Variants in POLE observed in about 807,000 individuals in gnomAD.
POLE encodes DNA polymerase epsilon catalytic subunit A.
A neutral mutation model predicts 279.2 loss-of-function variants in POLE; 188 were observed. The observed-to-expected ratio is 0.67, with a 90% CI of 0.60 to 0.76. POLE has a LOEUF of 0.76. POLE is among the 30% of genes least tolerant of loss of function. The pLI, the probability that POLE is intolerant of heterozygous loss-of-function variation, is 0.00. For missense variants in POLE, 2,703 were observed against 3,016.7 expected, an observed-to-expected ratio of 0.90 and a Z score of 2.44; for synonymous variants, 1,214 against 1,172.5, an observed-to-expected ratio of 1.04 and a Z score of -0.72.
In POLE at chr12:132,638,804, C is replaced by T. The variant is rs180845707; in HGVS notation, c.5552+321G>A. On this transcript the variant is annotated intron_variant, in intron 40 of 48. Coordinates refer to ENST00000320574, the MANE Select transcript of POLE (RefSeq NM_006231.4). ...AGAGGCTAAATGTTCTTTCATATGGCATGTCCTCACACAGATCTCCTGACA... is the reference window on the plus strand; with the variant it reads ...AGAGGCTAAATGTTCTTTCATATGGTATGTCCTCACACAGATCTCCTGACA... The T allele has an allele frequency of 9.8e-6, 3 of 305,660 alleles. No individual in the cohort carries two copies. The East Asian group carries it at 1.9e-4, about 20-fold the overall frequency. 18.9% of individuals were successfully genotyped at this position (305,660 alleles called of 1,614,324 possible). A position where few individuals can be genotyped will look rare whatever the true frequency, so the allele number is the denominator to read the frequency against.
chr12:132,678,866 T>C (rs1014586124), intron 6 of POLE, among the ~76,000 whole-genome samples: 4 of 152,210 alleles, frequency 2.6e-5, no homozygotes, highest in African/African-American at 7.2e-5. Context: ...GAGGACTCAG[T>C]CTCTGATCAC....
chr12:132,658,979 T>G (rs1287596386), intron 26 of POLE, among the ~76,000 whole-genome samples: 2 of 151,822 alleles, frequency 1.3e-5, no homozygotes, highest in Non-Finnish European at 2.9e-5. Flanking sequence ...TGATTTTTGC[T>G]TTTTTCTCCA....
Position 132,638,038 on chromosome 12 carries a change from G to A in POLE, c.5654C>T (p.Ala1885Val), listed in dbSNP as rs2138500404. 1.9e-6 allele frequency: 3 copies of A among 1,614,056 alleles called. No individual in the cohort carries two copies. Among genetic ancestry groups the A allele is most frequent in the Non-Finnish European group, 2.5e-6 (3 of 1,179,966 alleles). The change falls in exon 41 of 49, where the codon GCT becomes GTT. Residue 1885 changes from alanine (A) to valine (V), a missense_variant. Ala to Val is a moderately conservative substitution (Grantham distance 64). This residue lies in a region of POLE where 1,551 missense variants were observed against 1,686.1 expected (regional missense o/e 0.92). Coordinates refer to ENST00000320574, the MANE Select transcript of POLE (RefSeq NM_006231.4). ...CCTGCTGGTGATGTACTCCACGTAAGCGATGGCATCTTCCACACGGCGCTT... is the reference window on the plus strand; with the variant it reads ...CCTGCTGGTGATGTACTCCACGTAAACGATGGCATCTTCCACACGGCGCTT... The part of the protein sequence containing the change: ...TKKRRVEDAI[A>V]YVEYITSSIH...
intron 44 of POLE, 53 bp downstream of exon 44, chr12:132,632,611 G>A (rs1438369570): frequency 3.1e-6 from 5 of 1,612,324 alleles, no homozygotes; most frequent in Non-Finnish European, 8.5e-7. Context: ...GCACACAGAG[G>A]AGTTAGGTCA....
At chr12:132,666,720 G>C (rs958243280) in intron 20 of POLE, among the ~76,000 whole-genome samples, 8 of 152,160 alleles carry the variant, frequency 5.3e-5, no homozygotes, top group Non-Finnish European at 1.2e-4. Flanking sequence ...CCAGGGAGGA[G>C]GTGGGGAGCT....
At chr12:132,670,350 T>C (rs998936693) in intron 16 of POLE, among the ~76,000 whole-genome samples, 3 of 150,298 alleles carry the variant, frequency 2.0e-5, no homozygotes, top group Non-Finnish European at 4.4e-5. Flanking sequence ...CACTCCAGCC[T>C]GGGCAACAAG....
chr12:132,672,350 A>G (rs2135991522), intron 15 of POLE, 28 bp from the exon 16 acceptor site: 1 of 1,574,608 alleles, frequency 6.4e-7, no homozygotes, highest in Non-Finnish European at 8.7e-7. Flanking sequence ...CGACGGGGTC[A>G]GAGGGGAAAC....
intron 23 of POLE, among the ~76,000 whole-genome samples, chr12:132,662,526 C>T (rs1039063006): frequency 5.3e-5 from 8 of 152,142 alleles, no homozygotes; most frequent in Non-Finnish European, 1.0e-4. Context: ...GTTCTGTGTG[C>T]GTGCGTTACT....
At chr12:132,654,615 A>C (rs1415028286) in intron 29 of POLE, among the ~76,000 whole-genome samples, 2 of 151,902 alleles carry the variant, frequency 1.3e-5, no homozygotes, top group African/African-American at 4.9e-5. Flanking sequence ...ACATGACAAA[A>C]CCTTGTCTCT....
At position 132,663,898 on chromosome 12, in the gene POLE, T is replaced by C. The variant is rs561455987; in HGVS notation, c.2706+106A>G. On this transcript the variant is annotated intron_variant, in intron 23 of 48. Coordinates refer to ENST00000320574, the MANE Select transcript of POLE (RefSeq NM_006231.4). ...TATAGAAAAGCAATGTGAGCAGTGCTGGGTGCCAGGAAGGCATGCACACTG... is the reference window on the plus strand; with the variant it reads ...TATAGAAAAGCAATGTGAGCAGTGCCGGGTGCCAGGAAGGCATGCACACTG... 4.8e-5 allele frequency: 57 copies of C among 1,191,408 alleles called. No individual in the cohort carries two copies. The South Asian group carries it at 6.9e-4, about 14-fold the overall frequency. 73.8% of individuals were successfully genotyped at this position (1,191,408 alleles called of 1,614,324 possible).
rs150564856 is a variant in POLE at position 132,668,866 on chromosome 12, T to C, written c.1868A>G (p.Tyr623Cys). Residue 623 changes from tyrosine (Y) to cysteine (C), a missense_variant, in exon 17 of 49, where the codon TAC (tyrosine) becomes TGC (cysteine). Physicochemically the swap from Tyr to Cys is radical, Grantham distance 194 (BLOSUM62 -2). This residue lies in a region of POLE where 1,011 missense variants were observed against 1,111.7 expected (regional missense o/e 0.91). Transcript: ENST00000320574. This position sits in a 1 kb window ranked among gnomAD's most constrained non-coding sequence, Gnocchi z 4.0. The part of the protein sequence containing the change: ...VPSRIECPLI[Y>C]HLDVGAMYPN... ...GTACATGGCCCCCACGTCCAGGTGGTAGATGAGTGGACACTCGATGCGGCT... is the reference window on the plus strand; with the variant it reads ...GTACATGGCCCCCACGTCCAGGTGGCAGATGAGTGGACACTCGATGCGGCT... The C allele has an allele frequency of 1.5e-4, 247 of 1,613,776 alleles. No homozygotes were observed. The highest frequency in any genetic ancestry group is 2.0e-4 in the Non-Finnish European group (238 of 1,179,922).
At position 132,668,844 on chromosome 12, in the gene POLE, C is replaced by T; in HGVS notation, c.1890G>A (p.Met630Ile). ...PLIYHLDVGA[M>I]YPNIILTNRL... Reference sequence around the variant, plus strand: ...GGTTGGTCAGGATGATGTTGGGGTACATGGCCCCCACGTCCAGGTGGTAGA... The same window carrying T: ...GGTTGGTCAGGATGATGTTGGGGTATATGGCCCCCACGTCCAGGTGGTAGA... The change falls in exon 17 of 49, where the codon ATG (methionine) becomes ATA (isoleucine). Residue 630 changes from methionine (M) to isoleucine (I), a missense_variant. Met to Ile is a conservative substitution (Grantham distance 10, BLOSUM62 1). Coordinates refer to ENST00000320574, the MANE Select transcript of POLE (RefSeq NM_006231.4). This position sits in a 1 kb window ranked among gnomAD's most constrained non-coding sequence, Gnocchi z 4.0. The T allele has an allele frequency of 6.2e-7, 1 of 1,614,158 alleles. No homozygotes were observed. Among genetic ancestry groups the T allele is most frequent in the African/African-American group, 1.3e-5 (1 of 75,046 alleles).
At chr12:132,647,609 C>G (rs751805812) in intron 32 of POLE, among the ~76,000 whole-genome samples, 1 of 152,112 alleles carries the variant, frequency 6.6e-6, no homozygotes, top group Non-Finnish European at 1.5e-5. Flanking sequence ...ATGGACCCCA[C>G]GAGACATGGA....
intron 45 of POLE, among the ~76,000 whole-genome samples, chr12:132,630,493 T>C (rs2041915587): frequency 6.6e-6 from 1 of 152,172 alleles, no homozygotes; most frequent in Non-Finnish European, 1.5e-5. Flanking sequence ...CTCACGCCTG[T>C]AATCCCAGCA....
intron 29 of POLE, among the ~76,000 whole-genome samples, chr12:132,651,655 G>A (rs1034573172): frequency 2.0e-5 from 3 of 152,218 alleles, no homozygotes; most frequent in Non-Finnish European, 4.4e-5. Flanking sequence ...TGACTTGCCC[G>A]TAATGAACAG....
chr12:132,643,992 A>G lies in POLE; in HGVS notation c.4150-15T>C, dbSNP rs2138562884. 2.5e-6 allele frequency: 4 copies of G among 1,609,216 alleles called. No individual in the cohort carries two copies. Among genetic ancestry groups the G allele is most frequent in the Non-Finnish European group, 3.4e-6 (4 of 1,175,926 alleles). On this transcript the variant is annotated splice_polypyrimidine_tract_variant and intron_variant, in intron 32 of 48. Transcript: ENST00000320574. The stretch of plus-strand genomic sequence containing the variant: ...ACCCGATTTACCTGGCGAGAATACG[A>G]CGATGATCTCGTCACTGGGCGTAAG...
At chr12:132,651,906 G>A (rs754604751) in intron 29 of POLE, among the ~76,000 whole-genome samples, 1 of 152,248 alleles carries the variant, frequency 6.6e-6, no homozygotes, top group Non-Finnish European at 1.5e-5. Context: ...TCGGATACAC[G>A]AGTGCATTTA....
intron 29 of POLE, among the ~76,000 whole-genome samples, chr12:132,653,653 T>C (rs915473839): frequency 2.6e-5 from 4 of 152,234 alleles, no homozygotes; most frequent in African/African-American, 4.8e-5. Flanking sequence ...CCCTTTTCAA[T>C]CCTTAATTCT....
chr12:132,676,743 T>C, intron 8 of POLE, 90 bp from the exon 9 acceptor site: 1 of 788,186 alleles, frequency 1.3e-6, no homozygotes, highest in Non-Finnish European at 2.2e-6. Flanking sequence ...TACCTCCCTC[T>C]GGTTGTTAAA....
Sources: gnomAD v4.1 joint callset for allele counts (sites outside exome capture counted in the v4.1 genomes callset) on GRCh38, gnomAD v4.1.1 for gene constraint, gnomAD v4.1.1 regional missense constraint, Gnocchi (gnomAD v3.1) non-coding constraint, MANE v1.5 for transcripts, NCBI Gene and HGNC (gene_info 2026-07-23, HGNC 2026-07-21) for gene names.